The following TPD52 variants were observed in gnomAD, a reference collection of about 807,000 sequenced individuals.
The protein encoded by TPD52 is tumor protein D52.
A neutral mutation model predicts 31.3 loss-of-function variants in TPD52; 17 were observed. The observed-to-expected ratio is 0.54, with a 90% CI of 0.37 to 0.82. TPD52 has a LOEUF of 0.82. Ranked by LOEUF, TPD52 falls within the 40% of genes least tolerant of loss-of-function variation. The pLI, the probability that TPD52 is intolerant of heterozygous loss-of-function variation, is 0.00. For missense variants in TPD52, 212 were observed against 240.1 expected (o/e 0.88, Z 0.77); for synonymous variants, 83 against 89.6 (o/e 0.93, Z 0.42).
At chr8:80,082,775 C>G (rs1414932539) in intron 1 of TPD52, among the ~76,000 whole-genome samples, 3 of 152,220 alleles carry the variant, frequency 2.0e-5, no homozygotes, top group Non-Finnish European at 2.9e-5. Flanking sequence ...CTACCGGATA[C>G]CTGCCCTGAA....
chr8:80,164,288 AGCT>A (rs1811567037), intron 1 of TPD52, among the ~76,000 whole-genome samples: 1 of 152,202 alleles, frequency 6.6e-6, no homozygotes, highest in African/African-American at 2.4e-5. Context: ...AACTAGGTTT[AGCT>A]GCTGGCAATG....
chr8:80,042,288 T>C (rs1277827983), intron 7 of TPD52: 16 of 985,324 alleles, frequency 1.6e-5, no homozygotes, highest in Non-Finnish European at 1.9e-5. Context: ...TTCTTGTTAA[T>C]TGTTGACAAG....
chr8:80,112,358 C>CAAGT (rs1236412639), intron 1 of TPD52, among the ~76,000 whole-genome samples: 1 of 152,168 alleles, frequency 6.6e-6, no homozygotes, highest in Admixed American at 6.5e-5. Context: ...ACCACCCAGT[C>CAAGT]AAGTAAGGGC....
chr8:80,121,740 C>A (rs1245988230), intron 1 of TPD52, among the ~76,000 whole-genome samples: 1 of 152,164 alleles, frequency 6.6e-6, no homozygotes, highest in Non-Finnish European at 1.5e-5. Context: ...GCCTTCACGA[C>A]GCAAAACCTG....
intron 1 of TPD52, among the ~76,000 whole-genome samples, chr8:80,148,345 T>TAC (rs3053805): frequency 6.6e-6 from 1 of 151,244 alleles, no homozygotes; most frequent in South Asian, 2.1e-4. Flanking sequence ...TGTGTGTGTG[T>TAC]ACAGAGAGAA....
intron 1 of TPD52, among the ~76,000 whole-genome samples, chr8:80,144,103 T>G (rs907303961): frequency 6.6e-6 from 1 of 152,160 alleles, no homozygotes. Context: ...GAAGGTATAA[T>G]CAGAATCAAC....
chr8:80,164,823 C>T (rs1811602267), intron 1 of TPD52, among the ~76,000 whole-genome samples: 1 of 134,810 alleles, frequency 7.4e-6, no homozygotes, highest in Non-Finnish European at 1.5e-5. Context: ...GCAGAGGTTG[C>T]AGTGAGCAGA....
At chr8:80,032,146 C>T (rs192320586), downstream of TPD52, among the ~76,000 whole-genome samples, 33 of 126,102 alleles carry the variant, frequency 2.6e-4, no homozygotes, top group African/African-American at 1.2e-3. Context: ...GAGCGAGACT[C>T]CAGCTCAAAA....
At chr8:80,043,264 C>T in intron 6 of TPD52, among the ~76,000 whole-genome samples, 1 of 152,270 alleles carries the variant, frequency 6.6e-6, no homozygotes, top group East Asian at 1.9e-4. Flanking sequence ...GCTGAGCCCA[C>T]AGGACATTCA....
chr8:80,086,575 T>A (rs982733302), intron 1 of TPD52, among the ~76,000 whole-genome samples: 3 of 152,006 alleles, frequency 2.0e-5, no homozygotes, highest in Non-Finnish European at 4.4e-5. Flanking sequence ...AAGTCTTGTA[T>A]CAATTTCAAA....
intron 1 of TPD52, among the ~76,000 whole-genome samples, chr8:80,141,932 T>TA (rs57679341): frequency 0.4 from 59,745 of 151,164 alleles, 12,294 homozygotes; most frequent in East Asian, 0.71. Flanking sequence ...AAAATAAAAA[T>TA]AAAAAAATAT....
At chr8:80,072,349 A>ATG (rs1430677072) in intron 1 of TPD52, among the ~76,000 whole-genome samples, 10 of 68,978 alleles carry the variant, frequency 1.4e-4, no homozygotes, top group Admixed American at 4.4e-4. Flanking sequence ...GTGTGTGTGT[A>ATG]TGTGTGTATA....
Position 80,038,246 on chromosome 8 carries a change from A to T in TPD52, c.505-11T>A, listed in dbSNP as rs1241703546. ...TCCCCCTACTTTAGACTTAAAAAAA[A>T]GTTCAAAAAAGGGAAAGACATTATG... On this transcript the variant is annotated splice_polypyrimidine_tract_variant and intron_variant, in intron 7 of 7. Coordinates refer to ENST00000518937, the MANE Select transcript of TPD52 (RefSeq NM_001025253.3). 2.1e-5 allele frequency: 34 copies of T among 1,612,562 alleles called. No individual in the cohort carries two copies. Among genetic ancestry groups the T allele is most frequent in the Non-Finnish European group, 2.5e-5 (29 of 1,179,240 alleles).
At chr8:80,130,510 A>G (rs1186263801) in intron 1 of TPD52, among the ~76,000 whole-genome samples, 1 of 152,184 alleles carries the variant, frequency 6.6e-6, no homozygotes, top group Non-Finnish European at 1.5e-5. Flanking sequence ...AACCTTCAGG[A>G]CATTTCATAT....
intron 1 of TPD52, among the ~76,000 whole-genome samples, chr8:80,099,229 T>G (rs1451249719): frequency 6.6e-6 from 1 of 152,190 alleles, no homozygotes; most frequent in African/African-American, 2.4e-5. Flanking sequence ...TCCCAAGGTA[T>G]TCCAGCAGTT....
chr8:80,088,580 A>T (rs1375973835), intron 1 of TPD52, among the ~76,000 whole-genome samples: 1 of 152,074 alleles, frequency 6.6e-6, no homozygotes. Flanking sequence ...CCCCTGTCTG[A>T]AGCTGGACTG....
intron 1 of TPD52, among the ~76,000 whole-genome samples, chr8:80,099,791 G>A (rs983005965): frequency 3.9e-5 from 6 of 152,210 alleles, no homozygotes; most frequent in African/African-American, 4.8e-5. Context: ...GATTACAGGC[G>A]TAAGCCAGCG....
intron 3 of TPD52, among the ~76,000 whole-genome samples, chr8:80,052,066 G>A (rs1811436280): frequency 6.6e-6 from 1 of 152,222 alleles, no homozygotes; most frequent in Non-Finnish European, 1.5e-5. Context: ...GCAATTAGTA[G>A]CTGGCGTAAG....
At chr8:80,034,740 G>C (rs934962828), downstream of TPD52, 3 of 152,100 alleles carry the variant, frequency 2.0e-5, no homozygotes, top group Non-Finnish European at 4.4e-5. Flanking sequence ...GAAAGATCAC[G>C]TCCATTTACA....
Sources: allele counts gnomAD v4.1 joint callset (sites outside exome capture counted in the v4.1 genomes callset), GRCh38; gene constraint gnomAD v4.1.1; transcripts MANE v1.5; gene names NCBI Gene and HGNC (gene_info 2026-07-23, HGNC 2026-07-21).